IMMP2L: variants seen among roughly 807,000 people sequenced by gnomAD.
IMMP2L encodes mitochondrial inner membrane protease subunit 2.
A neutral mutation model predicts 19.3 loss-of-function variants in IMMP2L; 18 were observed. That is an observed-to-expected ratio of 0.93 (90% confidence interval 0.64 to 1.38). The LOEUF is 1.38. Among genes scored for constraint, IMMP2L ranks in the 40% most tolerant of loss-of-function variants. The pLI, the probability that IMMP2L is intolerant of heterozygous loss-of-function variation, is 0.00. For synonymous variants in IMMP2L, 76 were observed against 73.0 expected (o/e 1.04, Z -0.21); for missense variants, 233 against 218.2 (o/e 1.07, Z -0.43).
chr7:110,759,615 G>C (rs1001039120), intron 5 of IMMP2L, among the ~76,000 whole-genome samples: 4 of 152,034 alleles, frequency 2.6e-5, no homozygotes, highest in Non-Finnish European at 5.9e-5. Context: ...TTCTTGACTA[G>C]GCTTTAATAT....
intron 3 of IMMP2L, among the ~76,000 whole-genome samples, chr7:111,135,708 C>T (rs977081520): frequency 6.6e-5 from 10 of 152,046 alleles, no homozygotes; most frequent in Admixed American, 2.0e-4. Flanking sequence ...TTAACATATG[C>T]TTATTATACA....
chr7:110,999,863 T>A (rs1174593118), intron 3 of IMMP2L, among the ~76,000 whole-genome samples: 1 of 151,986 alleles, frequency 6.6e-6, no homozygotes, highest in Non-Finnish European at 1.5e-5. Flanking sequence ...TTGACTGGGG[T>A]ATTTGTGTGG....
rs528145308 is a variant in IMMP2L, at chr7:110,919,278, T to C, written c.306-32583A>G. Among the ~76,000 whole-genome samples the C allele has an allele frequency of 3.3e-5, 5 of 152,312 alleles. No homozygotes were observed. The South Asian group carries it at 8.3e-4, about 25-fold the overall frequency. ...AATTTCTGATTGACTTTTCCTAATA[T>C]GACTCACCAAATTAAGCCATAAGAG... is the stretch of plus-strand genomic sequence containing the variant. On this transcript the variant is annotated intron_variant, in intron 4 of 5. Coordinates refer to ENST00000405709, the MANE Select transcript of IMMP2L (RefSeq NM_032549.4).
rs573163618 is a variant in IMMP2L at position 110,797,901 on chromosome 7, G to C, written c.408+88692C>G. The stretch of plus-strand genomic sequence containing the variant: ...AAATAACCTAAAAATCAGTTGTTTT[G>C]AAATGGATCTTGCATTGTGCCCATG... On this transcript the variant is annotated intron_variant, in intron 5 of 5. Transcript: ENST00000405709. 3.9e-5 allele frequency among the ~76,000 whole-genome samples: 6 copies of C among 152,064 alleles called. No individual in the cohort carries two copies. In the East Asian group the frequency reaches 1.2e-3, roughly 30 times the overall value.
At position 111,283,578 on chromosome 7, in the gene IMMP2L, T is replaced by C. The variant is rs1012391177; in HGVS notation, c.239+203660A>G. Among the ~76,000 whole-genome samples, 3 of 152,074 alleles carry C rather than the reference T, an allele frequency of 2.0e-5. 1 individual carries two copies. In the Middle Eastern group the frequency reaches 0.01, roughly 517 times the overall value. ...AGAATGGCAGTCGAGGAAGACGAGC[T>C]GGAAAAAGAGGTTAGGGCCAGATTG... On this transcript the variant is annotated intron_variant, in intron 3 of 5. Transcript: ENST00000405709.
intron 5 of IMMP2L, among the ~76,000 whole-genome samples, chr7:110,789,756 T>C (rs1800337548): frequency 6.6e-6 from 1 of 151,598 alleles, no homozygotes; most frequent in Admixed American, 6.6e-5. Context: ...TGTTACATCC[T>C]AGGCATACTG....
intron 3 of IMMP2L, chr7:111,122,727 G>A (rs1356025905): frequency 2.7e-6 from 4 of 1,471,148 alleles, no homozygotes; most frequent in Non-Finnish European, 3.7e-6. Flanking sequence ...AGCACTGACT[G>A]TGGAATCCTT....
intron 3 of IMMP2L, among the ~76,000 whole-genome samples, chr7:111,087,035 G>C (rs1650604022): frequency 6.6e-6 from 1 of 152,118 alleles, no homozygotes; most frequent in Admixed American, 6.5e-5. Context: ...AAGAGCTTTG[G>C]CTCTGTAAGC....
chr7:111,216,159 C>T (rs187833407), intron 3 of IMMP2L, among the ~76,000 whole-genome samples: 1 of 152,110 alleles, frequency 6.6e-6, no homozygotes, highest in Non-Finnish European at 1.5e-5. Flanking sequence ...TATGGAGTCA[C>T]ATACATCACC....
chr7:110,951,060 T>C (rs2129554178), intron 4 of IMMP2L, among the ~76,000 whole-genome samples: 2 of 151,478 alleles, frequency 1.3e-5, no homozygotes, highest in South Asian at 4.2e-4. Context: ...TTACATGAAG[T>C]ATCTAAACCA....
chr7:111,165,978 C>G (rs534144954), intron 3 of IMMP2L, among the ~76,000 whole-genome samples: 35 of 152,140 alleles, frequency 2.3e-4, no homozygotes, highest in African/African-American at 8.2e-4. Context: ...TATATTCATC[C>G]TCAAAGAGAG....
chr7:110,870,823 T>G lies in IMMP2L; in HGVS notation c.408+15770A>C, dbSNP rs892137796. On this transcript the variant is annotated intron_variant, in intron 5 of 5. Coordinates refer to ENST00000405709, the MANE Select transcript of IMMP2L (RefSeq NM_032549.4). The surrounding 1 kb of genome is among the most constrained non-coding windows in gnomAD (Gnocchi z 4.2). ...CATGGTCAAGGGAATCAGAGAAAACTTAACGCTTTTAATTCTAATAGCAAC... is the reference window on the plus strand; with the variant it reads ...CATGGTCAAGGGAATCAGAGAAAACGTAACGCTTTTAATTCTAATAGCAAC... Among the ~76,000 whole-genome samples, 1 of 152,156 alleles carries G rather than the reference T, an allele frequency of 6.6e-6. No homozygotes were observed. Among genetic ancestry groups the G allele is most frequent in the Non-Finnish European group, 1.5e-5 (1 of 68,024 alleles).
At chr7:110,684,905 G>C (rs1224288631) in intron 5 of IMMP2L, among the ~76,000 whole-genome samples, 1 of 152,034 alleles carries the variant, frequency 6.6e-6, no homozygotes, top group Non-Finnish European at 1.5e-5. Flanking sequence ...TCAACCTACT[G>C]TATCCAGTGC....
intron 3 of IMMP2L, among the ~76,000 whole-genome samples, chr7:111,422,403 A>T (rs1835653207): frequency 6.6e-6 from 1 of 151,684 alleles, no homozygotes; most frequent in East Asian, 1.9e-4. Flanking sequence ...TTCATTGAGC[A>T]GTGGTTTGTA....
chr7:111,382,115 A>C (rs971371147), intron 3 of IMMP2L, among the ~76,000 whole-genome samples: 2 of 151,954 alleles, frequency 1.3e-5, no homozygotes, highest in African/African-American at 4.8e-5. Flanking sequence ...GAGAGGTTGT[A>C]GAGTGATAAG....
At chr7:111,078,721 TTTTATTTATTTA>T (rs200837271) in intron 3 of IMMP2L, among the ~76,000 whole-genome samples, 2 of 151,830 alleles carry the variant, frequency 1.3e-5, no homozygotes, top group East Asian at 1.9e-4. Flanking sequence ...TATTTTTTAT[TTTTATTTATTTA>T]TTTATTTATT....
intron 3 of IMMP2L, among the ~76,000 whole-genome samples, chr7:111,017,198 G>C (rs1825796364): frequency 6.6e-6 from 1 of 150,664 alleles, no homozygotes; most frequent in Non-Finnish European, 1.5e-5. Context: ...TGCCTGAGTA[G>C]CTGGGACCAC....
rs1824219366 is a variant in IMMP2L at position 111,317,344 on chromosome 7, T to C, written c.239+169894A>G. Among the ~76,000 whole-genome samples, 3 of 152,136 alleles carry C rather than the reference T, an allele frequency of 2.0e-5. No individual in the cohort carries two copies. The South Asian group carries it at 6.2e-4, about 31-fold the overall frequency. ...GAAGATTCTAATTGTCAGTATATCA[T>C]TATTCAGACATAATGTAGAAACAAA... On this transcript the variant is annotated intron_variant, in intron 3 of 5. Transcript: ENST00000405709.
chr7:111,367,107 C>T (rs972612059), intron 3 of IMMP2L, among the ~76,000 whole-genome samples: 7 of 151,626 alleles, frequency 4.6e-5, no homozygotes, highest in Admixed American at 2.0e-4. Flanking sequence ...GAAGAATATG[C>T]TGACAGTGTT....
Sources: allele counts gnomAD v4.1 joint callset (sites outside exome capture counted in the v4.1 genomes callset), GRCh38; gene constraint gnomAD v4.1.1; non-coding constraint Gnocchi (gnomAD v3.1); transcripts MANE v1.5; gene names NCBI Gene and HGNC (gene_info 2026-07-23, HGNC 2026-07-21).